The following CIB2 variants were observed in gnomAD, a reference collection of about 807,000 sequenced individuals.
CIB2 encodes calcium and integrin binding family member 2.
Under a neutral mutation model 23.1 loss-of-function variants are expected in CIB2, and 19 were observed. The observed-to-expected ratio is 0.82, with a 90% CI of 0.57 to 1.21. The LOEUF is 1.21. Ranked by LOEUF, CIB2 falls within the 50% of genes most tolerant of loss-of-function variation. The probability of loss-of-function intolerance (pLI) is 0.00; values close to 1 mark genes in which losing one functional copy is unlikely to be tolerated. For synonymous variants in CIB2, 94 were observed against 91.7 expected (o/e 1.03, Z -0.14); for missense variants, 220 against 241.5 (o/e 0.91, Z 0.59).
chr15:78,124,893 C>T (rs1195167271), intron 1 of CIB2, among the ~76,000 whole-genome samples: 5 of 152,298 alleles, frequency 3.3e-5, no homozygotes, highest in Admixed American at 6.5e-5. Context: ...AAAGAGAGGA[C>T]GCCTGCAGGA....
At chr15:78,111,337 G>A (rs1037264978) in intron 2 of CIB2, 61 bp from the exon 3 acceptor site, 32 of 1,384,756 alleles carry the variant, frequency 2.3e-5, no homozygotes, top group African/African-American at 7.1e-5. Flanking sequence ...CCAGCAGCCC[G>A]GTGCTGTCCT....
chr15:78,121,915 A>G (rs965669426), intron 2 of CIB2, among the ~76,000 whole-genome samples: 4 of 152,178 alleles, frequency 2.6e-5, no homozygotes, highest in African/African-American at 9.7e-5. Flanking sequence ...GCTGCTGTCA[A>G]TGAGACCACG....
At chr15:78,116,215 T>G (rs1281462350) in intron 2 of CIB2, among the ~76,000 whole-genome samples, 1 of 152,028 alleles carries the variant, frequency 6.6e-6, no homozygotes, top group Non-Finnish European at 1.5e-5. Flanking sequence ...TCTCAGCACT[T>G]TGGGAGGCCG....
chr15:78,107,826 T>C (rs1220108661), intron 4 of CIB2, among the ~76,000 whole-genome samples: 1 of 152,128 alleles, frequency 6.6e-6, no homozygotes, highest in Admixed American at 6.5e-5. Flanking sequence ...AAGCAAAACG[T>C]GGGTGCACAG....
intron 1 of CIB2, among the ~76,000 whole-genome samples, chr15:78,125,896 G>A (rs1211628925): frequency 2.6e-5 from 4 of 152,114 alleles, no homozygotes; most frequent in African/African-American, 7.2e-5. Context: ...TGGTCCCAAC[G>A]TGCAACCCAG....
At chr15:78,122,585 A>T (rs113624623) in intron 2 of CIB2, among the ~76,000 whole-genome samples, 145 of 152,222 alleles carry the variant, frequency 9.5e-4, no homozygotes, top group African/African-American at 3.3e-3. Flanking sequence ...CTTATCAAAC[A>T]CTATACCCCA....
chr15:78,109,090 C>T, intron 4 of CIB2, 145 bp downstream of exon 4: 3 of 933,828 alleles, frequency 3.2e-6, no homozygotes, highest in Non-Finnish European at 4.8e-6. Flanking sequence ...CTTGGCCACC[C>T]CACTGGACAG....
Position 78,122,566 on chromosome 15 carries a change from C to G in CIB2, c.86+1139G>C, listed in dbSNP as rs561379309. On this transcript the variant is annotated intron_variant, in intron 2 of 5. Transcript: ENST00000258930. ...CCCTGACATCTCTCAAGCTACAGGG[C>G]AAATCCCACTTATCAAACACTATAC... Among the ~76,000 whole-genome samples, 3 of 152,304 alleles carry G rather than the reference C, an allele frequency of 2.0e-5. No individual in the cohort carries two copies. In the South Asian group the frequency reaches 6.2e-4, roughly 32 times the overall value.
At chr15:78,120,502 T>C (rs1395645392) in intron 2 of CIB2, 1 of 973,390 alleles carries the variant, frequency 1.0e-6, no homozygotes, top group East Asian at 1.1e-4. Context: ...CAAGGACTAC[T>C]GTCCCGCTGA....
At position 78,110,735 on chromosome 15, in the gene CIB2, T is replaced by C. The variant is rs1407915048; in HGVS notation, c.198+430A>G. ...TGAATTGGCATTTGGACAAGATCCC[T>C]GGGGAGTTTAAAATTAAATTTTAAC... On this transcript the variant is annotated intron_variant, in intron 3 of 5. Transcript: ENST00000258930. 6.6e-6 allele frequency: 3 copies of C among 456,426 alleles called. No homozygotes were observed. The East Asian group carries it at 2.1e-4, about 32-fold the overall frequency. 28.3% of individuals were successfully genotyped at this position (456,426 alleles called of 1,614,324 possible). A position where few individuals can be genotyped will look rare whatever the true frequency, so the allele number is the denominator to read the frequency against.
intron 2 of CIB2, among the ~76,000 whole-genome samples, chr15:78,116,078 G>C (rs2074236739): frequency 6.6e-6 from 1 of 151,868 alleles, no homozygotes; most frequent in Admixed American, 6.6e-5. Flanking sequence ...ATACAGTATA[G>C]CAACTCTTTA....
At chr15:78,123,783 C>A in intron 1 of CIB2, 44 bp from the exon 2 acceptor site, 1 of 1,612,744 alleles carries the variant, frequency 6.2e-7, no homozygotes, top group Non-Finnish European at 8.5e-7. Flanking sequence ...GTGCGGCTCC[C>A]AGACTTTCTT....
At chr15:78,105,962 A>G in intron 4 of CIB2, 28 bp from the exon 5 acceptor site, 2 of 1,601,954 alleles carry the variant, frequency 1.2e-6, no homozygotes, top group South Asian at 2.2e-5. Flanking sequence ...GACATGTTCA[A>G]GTCCAGGCTG....
At chr15:78,124,333 G>A (rs1328787099) in intron 1 of CIB2, among the ~76,000 whole-genome samples, 1 of 152,004 alleles carries the variant, frequency 6.6e-6, no homozygotes, top group East Asian at 1.9e-4. Flanking sequence ...AGGGAGAAAC[G>A]TGGGCAGGGG....
rs1166089655 is a variant in CIB2, at chr15:78,131,255, C to T, written c.-40G>A. ...CGCCGCTCGCCCGCCCGGGCTCCGA[C>T]TCCCATCAGCGGCCGCCAGACCCGG... is the stretch of plus-strand genomic sequence containing the variant. On this transcript the variant is annotated 5_prime_UTR_variant, in exon 1 of 6. Coordinates refer to ENST00000258930, the MANE Select transcript of CIB2 (RefSeq NM_006383.4). This position sits in a 1 kb window ranked among gnomAD's most constrained non-coding sequence, Gnocchi z 5.8. The T allele has an allele frequency of 7.0e-7, 1 of 1,421,256 alleles. No homozygotes were observed. Among genetic ancestry groups the T allele is most frequent in the South Asian group, 1.4e-5 (1 of 70,270 alleles). 88.0% of individuals were successfully genotyped at this position (1,421,256 alleles called of 1,614,324 possible).
intron 1 of CIB2, among the ~76,000 whole-genome samples, chr15:78,125,083 G>T (rs1279483150): frequency 2.6e-5 from 4 of 152,150 alleles, no homozygotes; most frequent in Non-Finnish European, 4.4e-5. Context: ...TCTCCTGGGG[G>T]TCTCAGCTTT....
chr15:78,123,621 G>A, intron 2 of CIB2, 84 bp downstream of exon 2: 1 of 1,416,198 alleles, frequency 7.1e-7, no homozygotes, highest in Non-Finnish European at 1.0e-6. Context: ...AGCCCCAGGA[G>A]CACAGCCAGC....
chr15:78,108,604 G>A (rs1036065991), intron 4 of CIB2, among the ~76,000 whole-genome samples: 3 of 152,170 alleles, frequency 2.0e-5, no homozygotes, highest in Non-Finnish European at 2.9e-5. Context: ...TATTCGGGGG[G>A]GCTCCAGAGG....
intron 1 of CIB2, among the ~76,000 whole-genome samples, chr15:78,130,598 G>T (rs979776630): frequency 6.6e-6 from 1 of 152,286 alleles, no homozygotes; most frequent in East Asian, 1.9e-4. Flanking sequence ...GGTGGCCCTG[G>T]AAGGCTGCTA....
Sources: allele counts gnomAD v4.1 joint callset (sites outside exome capture counted in the v4.1 genomes callset), GRCh38; gene constraint gnomAD v4.1.1; non-coding constraint Gnocchi (gnomAD v3.1); transcripts MANE v1.5; gene names NCBI Gene and HGNC (gene_info 2026-07-23, HGNC 2026-07-21).